GCNT2: variants seen among roughly 807,000 people sequenced by gnomAD.
GCNT2 encodes N-acetyllactosaminide beta-1,6-N-acetylglucosaminyl-transferase.
GCNT2 carries 34 observed loss-of-function variants against 34.2 expected under a neutral mutation model. The ratio of observed to expected loss-of-function variants is 1.00; its 90% CI spans 0.76 to 1.32. GCNT2 has a LOEUF of 1.32. Among genes scored for constraint, GCNT2 ranks in the 40% most tolerant of loss-of-function variants. The pLI is 0.00. For synonymous variants in GCNT2, 212 were observed against 188.0 expected, an observed-to-expected ratio of 1.13 and a Z score of -1.04; for missense variants, 584 against 489.4, an observed-to-expected ratio of 1.19 and a Z score of -1.82.
At chr6:10,523,127 G>C (rs1760999572) in intron 1 of GCNT2, among the ~76,000 whole-genome samples, 1 of 152,150 alleles carries the variant, frequency 6.6e-6, no homozygotes, top group East Asian at 1.9e-4. Flanking sequence ...AGCTTGAAAA[G>C]ACCAGCTTTC....
intron 3 of GCNT2, among the ~76,000 whole-genome samples, chr6:10,532,841 G>A (rs965955100): frequency 4.0e-5 from 6 of 151,882 alleles, no homozygotes; most frequent in African/African-American, 1.2e-4. Flanking sequence ...TTATTATTCC[G>A]GCTATGTGGA....
intron 3 of GCNT2, chr6:10,586,184 A>G (rs1463111949): frequency 4.3e-6 from 7 of 1,614,114 alleles, no homozygotes; most frequent in Middle Eastern, 1.6e-4. Context: ...AAAATATATT[A>G]CCATCACCTT....
intron 3 of GCNT2, among the ~76,000 whole-genome samples, chr6:10,559,779 C>T (rs1305551303): frequency 6.6e-6 from 1 of 152,226 alleles, no homozygotes; most frequent in East Asian, 1.9e-4. Context: ...CAAGGGATGC[C>T]TTTCAGGATA....
intron 4 of GCNT2, among the ~76,000 whole-genome samples, chr6:10,623,632 C>T (rs912894765): frequency 1.3e-5 from 2 of 152,166 alleles, no homozygotes; most frequent in Non-Finnish European, 2.9e-5. Flanking sequence ...GAATGATCTT[C>T]AACTTGGAGT....
rs147519870 is a variant in GCNT2 at position 10,549,812 on chromosome 6, A to C, written c.925+19976A>C. ...TAAATAATTCTGTTCTGTATTTTGT[A>C]TAATATGGATTGTGCCCAGATGTGG... On this transcript the variant is annotated intron_variant, in intron 3 of 4. Transcript: ENST00000495262. 5.3e-3 allele frequency among the ~76,000 whole-genome samples: 800 copies of C among 152,262 alleles called. 6 individuals carry two copies. Among genetic ancestry groups the C allele is most frequent in the African/African-American group, 0.018 (763 of 41,536 alleles).
chr6:10,551,282 T>A (rs1762466249), intron 3 of GCNT2, among the ~76,000 whole-genome samples: 2 of 152,124 alleles, frequency 1.3e-5, no homozygotes, highest in African/African-American at 4.8e-5. Context: ...ATAACTTTGC[T>A]GCATCAAAAT....
intron 3 of GCNT2, among the ~76,000 whole-genome samples, chr6:10,544,944 T>TTAAATAAATAAA (rs1561789767): frequency 1.6e-5 from 2 of 125,624 alleles, no homozygotes; most frequent in African/African-American, 8.3e-5. Flanking sequence ...AAACTCTGTC[T>TTAAATAAATAAA]CAAATAAATA....
chr6:10,523,081 T>G (rs1204133267), intron 1 of GCNT2, among the ~76,000 whole-genome samples: 1 of 152,230 alleles, frequency 6.6e-6, no homozygotes, highest in African/African-American at 2.4e-5. Context: ...TATTTAACTT[T>G]GCTCAGTCTT....
At chr6:10,566,667 C>T (rs534608612) in intron 3 of GCNT2, among the ~76,000 whole-genome samples, 2 of 152,316 alleles carry the variant, frequency 1.3e-5, no homozygotes, top group South Asian at 2.1e-4. Context: ...AGCAGCTGCA[C>T]GGGCCTATTT....
chr6:10,525,844 G>C (rs545220481), intron 1 of GCNT2, among the ~76,000 whole-genome samples: 3 of 152,292 alleles, frequency 2.0e-5, no homozygotes, highest in Non-Finnish European at 2.9e-5. Flanking sequence ...TAAATTCGAA[G>C]AGCAGGCAAA....
intron 3 of GCNT2, chr6:10,557,381 C>T (rs1249662930): frequency 2.6e-6 from 4 of 1,526,552 alleles, no homozygotes; most frequent in East Asian, 2.2e-5. Context: ...AGAAATGTGT[C>T]GTATTTGAAA....
At chr6:10,549,666 G>A (rs1198468482) in intron 3 of GCNT2, among the ~76,000 whole-genome samples, 3 of 147,588 alleles carry the variant, frequency 2.0e-5, no homozygotes, top group Non-Finnish European at 4.4e-5. Flanking sequence ...CCGCCTCTCA[G>A]GCTCAAGCAA....
chr6:10,610,610 G>A (rs1475585210), intron 3 of GCNT2, among the ~76,000 whole-genome samples: 2 of 152,128 alleles, frequency 1.3e-5, no homozygotes, highest in African/African-American at 4.8e-5. Context: ...GGCTGCTACT[G>A]AAGATATTAA....
At chr6:10,569,235 C>CCACACACACACACACACCCACACACACA (rs1763421762) in intron 3 of GCNT2, among the ~76,000 whole-genome samples, 1 of 47,464 alleles carries the variant, frequency 2.1e-5, no homozygotes, top group African/African-American at 5.6e-5. Flanking sequence ...ACTCCCCCCG[C>CCACACACACACACACACCCACACACACA]CACACACACA....
At chr6:10,566,375 G>A (rs1561804967) in intron 3 of GCNT2, among the ~76,000 whole-genome samples, 1 of 152,132 alleles carries the variant, frequency 6.6e-6, no homozygotes, top group African/African-American at 2.4e-5. Context: ...ATGGCTCACT[G>A]AAGCCTTGAC....
chr6:10,588,474 A>G (rs1477179261), intron 3 of GCNT2, among the ~76,000 whole-genome samples: 1 of 152,214 alleles, frequency 6.6e-6, no homozygotes, highest in Non-Finnish European at 1.5e-5. Context: ...TTGTTCACAT[A>G]GCTTTTCATA....
chr6:10,577,554 T>TA (rs1763875869), intron 3 of GCNT2, among the ~76,000 whole-genome samples: 2 of 152,204 alleles, frequency 1.3e-5, no homozygotes, highest in African/African-American at 4.8e-5. Context: ...TATTTTATTT[T>TA]TTTGAGATAG....
rs1463512751 is a variant in GCNT2, at chr6:10,597,211, A to G, written c.926-24140A>G. ...TACTCTATCACCCAGGCTGGAGTGCAGTGGCATGATCTCGGCTCACTGCAA... is the reference window on the plus strand; with the variant it reads ...TACTCTATCACCCAGGCTGGAGTGCGGTGGCATGATCTCGGCTCACTGCAA... On this transcript the variant is annotated intron_variant, in intron 3 of 4. Transcript: ENST00000495262. Among the ~76,000 whole-genome samples the G allele has an allele frequency of 2.1e-5, 3 of 140,952 alleles. No individual in the cohort carries two copies. In the Admixed American group the frequency reaches 2.3e-4, roughly 11 times the overall value. 92.5% of individuals were successfully genotyped at this position (140,952 alleles called of 152,430 possible).
intron 3 of GCNT2, among the ~76,000 whole-genome samples, chr6:10,580,701 C>T (rs1331195270): frequency 1.3e-5 from 2 of 152,106 alleles, no homozygotes; most frequent in Non-Finnish European, 2.9e-5. Flanking sequence ...GACTCGGGTT[C>T]CAGTCCTGCC....
Sources: gnomAD v4.1 joint callset for allele counts (sites outside exome capture counted in the v4.1 genomes callset) on GRCh38, gnomAD v4.1.1 for gene constraint, MANE v1.5 for transcripts, NCBI Gene and HGNC (gene_info 2026-07-23, HGNC 2026-07-21) for gene names.